Variants in GALNT2 observed in about 807,000 individuals in gnomAD.
GALNT2 encodes the protein UDP-GalNAc:polypeptide N-acetylgalactosaminyltransferase 2.
A neutral mutation model predicts 81.4 loss-of-function variants in GALNT2; 31 were observed. The ratio of observed to expected loss-of-function variants is 0.38; its 90% confidence interval spans 0.29 to 0.51. The LOEUF (loss-of-function observed/expected upper bound fraction) is 0.51. GALNT2 is among the 20% of genes least tolerant of loss of function. The probability of loss-of-function intolerance (pLI) is 0.87; values close to 1 mark genes in which losing one functional copy is unlikely to be tolerated. For synonymous variants in GALNT2, 303 were observed against 287.4 expected, an observed-to-expected ratio of 1.05 and a Z score of -0.55; for missense variants, 629 against 765.7, an observed-to-expected ratio of 0.82 and a Z score of 2.11.
rs1462279426 is a variant in GALNT2, at chr1:230,249,291, A to G, written c.905+20A>G. 11 of 1,610,500 alleles carry G rather than the reference A, an allele frequency of 6.8e-6. No homozygotes were observed. The highest frequency in any genetic ancestry group is 9.3e-6 in the Non-Finnish European group (11 of 1,177,332). On this transcript the variant is annotated intron_variant, in intron 9 of 15. Coordinates refer to ENST00000366672, the MANE Select transcript of GALNT2 (RefSeq NM_004481.5). ...TATAAAGTAAGTGCCAGCATCCTTC[A>G]GGGTGCCCCTCCCAGATGAGACCCC...
At chr1:230,261,848 A>T (rs1282938344) in intron 11 of GALNT2, 1 of 152,210 alleles carries the variant, frequency 6.6e-6, no homozygotes. Context: ...CTCTACTAAA[A>T]TTACACAAAA....
At chr1:230,197,592 G>A (rs1048536752) in intron 2 of GALNT2, among the ~76,000 whole-genome samples, 3 of 152,280 alleles carry the variant, frequency 2.0e-5, no homozygotes, top group African/African-American at 7.2e-5. Flanking sequence ...GTAAATATCA[G>A]TTAATTTTAT....
rs149921445 is a variant in GALNT2, at chr1:230,241,733, C to T, written c.608-1573C>T. 3.7e-4 allele frequency among the ~76,000 whole-genome samples: 56 copies of T among 152,308 alleles called. 2 individuals are homozygous for T. The East Asian group carries it at 9.3e-3, about 25-fold the overall frequency. ...AAGTGCTGGGATTACAGGCGTGAGC[C>T]ACCACGCCCGGCCATGAGTTTGTTT... On this transcript the variant is annotated intron_variant, in intron 6 of 15. Transcript: ENST00000366672.
intron 1 of GALNT2, among the ~76,000 whole-genome samples, chr1:230,111,977 C>T (rs1032854418): frequency 2.0e-5 from 3 of 151,902 alleles, no homozygotes; most frequent in African/African-American, 7.3e-5. Context: ...GCAAAAGCAG[C>T]CTACTGTGCA....
chr1:230,261,081 C>CTTTTTT (rs60478941), intron 11 of GALNT2, among the ~76,000 whole-genome samples: 5 of 130,394 alleles, frequency 3.8e-5, no homozygotes, highest in East Asian at 2.2e-4. Context: ...TAAAGTTTCT[C>CTTTTTT]TTTTTTTTTT....
At chr1:230,194,093 A>G (rs1281824746) in intron 2 of GALNT2, among the ~76,000 whole-genome samples, 1 of 152,218 alleles carries the variant, frequency 6.6e-6, no homozygotes, top group Non-Finnish European at 1.5e-5. Flanking sequence ...AGCCTGGTGG[A>G]TGGGTTACGG....
At chr1:230,206,420 C>T (rs1225341730) in intron 3 of GALNT2, among the ~76,000 whole-genome samples, 1 of 152,118 alleles carries the variant, frequency 6.6e-6, no homozygotes, top group Non-Finnish European at 1.5e-5. Context: ...AAAGGGGCAG[C>T]TGGGATGCCT....
At chr1:230,183,669 A>G (rs1663228266) in intron 2 of GALNT2, among the ~76,000 whole-genome samples, 1 of 152,228 alleles carries the variant, frequency 6.6e-6, no homozygotes, top group Admixed American at 6.5e-5. Context: ...CCATTATATG[A>G]TAGTTCAATT....
chr1:230,114,771 A>G (rs1396745899), intron 1 of GALNT2, among the ~76,000 whole-genome samples: 2 of 152,160 alleles, frequency 1.3e-5, no homozygotes, highest in African/African-American at 4.8e-5. Context: ...GGCAGTAAAG[A>G]TGGATGGTTA....
At chr1:230,094,004 CTG>C (rs59126308) in intron 1 of GALNT2, among the ~76,000 whole-genome samples, 110,041 of 151,586 alleles carry the variant, frequency 0.73, 40,393 homozygotes, top group African/African-American at 0.84. Context: ...TTTCGTCCAC[CTG>C]TGTGTGTGTG....
At chr1:230,265,089 C>A in intron 13 of GALNT2, 152 bp from the exon 14 acceptor site, 3 of 884,334 alleles carry the variant, frequency 3.4e-6, no homozygotes, top group Non-Finnish European at 5.4e-6. Flanking sequence ...CCCTGACACA[C>A]ACTACCTGTG....
rs1666415439 is a variant in GALNT2, at chr1:230,280,791, A to G, written c.*1333A>G. ...AATTAGGAAGGGTCAGAACCAAACAATACCTGCTCATTTACACTGAGGATT... is the reference window on the plus strand; with the variant it reads ...AATTAGGAAGGGTCAGAACCAAACAGTACCTGCTCATTTACACTGAGGATT... On this transcript the variant is annotated 3_prime_UTR_variant, in exon 16 of 16. Transcript: ENST00000366672. 1 of 152,262 alleles carries G rather than the reference A, an allele frequency of 6.6e-6. No homozygotes were observed. Among genetic ancestry groups the G allele is most frequent in the Admixed American group, 6.5e-5 (1 of 15,286 alleles). 9.4% of individuals were successfully genotyped at this position (152,262 alleles called of 1,614,324 possible).
intron 1 of GALNT2, among the ~76,000 whole-genome samples, chr1:230,124,818 G>A (rs1056822054): frequency 3.3e-5 from 5 of 152,118 alleles, no homozygotes; most frequent in Admixed American, 1.3e-4. Context: ...GGCAGACTAG[G>A]GTGGTGTGGC....
At chr1:230,075,643 C>T (rs1297861115) in intron 1 of GALNT2, among the ~76,000 whole-genome samples, 1 of 152,164 alleles carries the variant, frequency 6.6e-6, no homozygotes, top group Non-Finnish European at 1.5e-5. Flanking sequence ...GTTGTTGTAG[C>T]AGACACGGAA....
At chr1:230,225,825 TA>T (rs1443354361) in intron 3 of GALNT2, among the ~76,000 whole-genome samples, 1 of 152,180 alleles carries the variant, frequency 6.6e-6, no homozygotes, top group African/African-American at 2.4e-5. Flanking sequence ...GTGTGTTTCT[TA>T]AAATGAAGTC....
rs754471301 is a variant in GALNT2 at position 230,236,092 on chromosome 1, C to G, written c.453C>G (p.Ala151=). ...CGTTTCACAATGAAGCCAGGTCGGC[C>G]CTACTCAGGACCGTGGTCAGGTGAG... ...VITFHNEARS[A]LLRTVVSVLK... is the part of the protein sequence containing the mutation. The change falls in exon 4 of 16, where the codon GCC becomes GCG. Residue 151 remains alanine (A), a synonymous_variant. Transcript: ENST00000366672. The G allele has an allele frequency of 6.2e-7, 1 of 1,614,000 alleles. No individual in the cohort carries two copies. The highest frequency in any genetic ancestry group is 2.2e-5 in the East Asian group (1 of 44,846).
chr1:230,085,587 C>T (rs928663056), intron 1 of GALNT2, among the ~76,000 whole-genome samples: 2 of 152,166 alleles, frequency 1.3e-5, no homozygotes, highest in Non-Finnish European at 2.9e-5. Flanking sequence ...GACCTGGTGC[C>T]GTCCCTGTAG....
At chr1:230,172,549 C>T (rs1171105671) in intron 1 of GALNT2, among the ~76,000 whole-genome samples, 1 of 152,192 alleles carries the variant, frequency 6.6e-6, no homozygotes, top group Non-Finnish European at 1.5e-5. Flanking sequence ...TGCCAATCCT[C>T]TGGGAAACGA....
At chr1:230,267,679 G>T (rs1666071260) in intron 14 of GALNT2, among the ~76,000 whole-genome samples, 1 of 152,236 alleles carries the variant, frequency 6.6e-6, no homozygotes. Flanking sequence ...CACCTGGAGG[G>T]AGGAACCCAT....
Sources: allele counts gnomAD v4.1 joint callset (sites outside exome capture counted in the v4.1 genomes callset), GRCh38; gene constraint gnomAD v4.1.1; transcripts MANE v1.5; gene names NCBI Gene and HGNC (gene_info 2026-07-23, HGNC 2026-07-21).